The following ELP4 variants were observed in gnomAD, a reference collection of about 807,000 sequenced individuals.
ELP4 encodes the protein elongator acetyltransferase complex subunit 4, also known as elongator complex protein 4.
A neutral mutation model predicts 48.9 loss-of-function variants in ELP4; 51 were observed. The observed-to-expected ratio is 1.04, with a 90% CI of 0.83 to 1.32. ELP4 has a LOEUF of 1.32. Ranked by LOEUF, ELP4 falls within the 40% of genes most tolerant of loss-of-function variation. ELP4 has a pLI of 0.00. For synonymous variants in ELP4, 210 were observed against 189.2 expected, an observed-to-expected ratio of 1.11 and a Z score of -0.90; for missense variants, 519 against 514.6, an observed-to-expected ratio of 1.01 and a Z score of -0.08.
intron 3 of ELP4, among the ~76,000 whole-genome samples, chr11:31,572,420 G>A (rs994705123): frequency 5.9e-5 from 9 of 152,148 alleles, no homozygotes; most frequent in Non-Finnish European, 1.3e-4. Context: ...GCCTCTAGAC[G>A]AGGAAAGTAA....
At chr11:31,570,466 C>CTTT (rs35501118) in intron 3 of ELP4, among the ~76,000 whole-genome samples, 4 of 127,898 alleles carry the variant, frequency 3.1e-5, no homozygotes, top group Admixed American at 8.2e-5. Context: ...TGTAATATAC[C>CTTT]TTTTTTTTTT....
Position 31,671,289 on chromosome 11 carries a change from A to G in ELP4, c.1143+21068A>G, listed in dbSNP as rs568301010. Among the ~76,000 whole-genome samples, 3 of 152,172 alleles carry G rather than the reference A, an allele frequency of 2.0e-5. No individual in the cohort carries two copies. The East Asian group carries it at 5.8e-4, about 29-fold the overall frequency. On this transcript the variant is annotated intron_variant, in intron 9 of 9. Transcript: ENST00000640961. ...TTAAATTGTTAATGTGTAGAGCACA[A>G]AACTTAAAAGATCAATTTTGTAGCT... is the stretch of plus-strand genomic sequence containing the variant.
chr11:31,717,372 T>A (rs1226210592), intron 9 of ELP4, among the ~76,000 whole-genome samples: 1 of 152,190 alleles, frequency 6.6e-6, no homozygotes, highest in African/African-American at 2.4e-5. Context: ...TCTCAAAGTA[T>A]TACTTACCTC....
intron 9 of ELP4, among the ~76,000 whole-genome samples, chr11:31,694,744 T>G (rs1380261590): frequency 6.6e-6 from 1 of 152,054 alleles, no homozygotes; most frequent in Admixed American, 6.6e-5. Context: ...TATAAATTAT[T>G]TTGGGCAGTA....
At chr11:31,560,133 G>C (rs1289827017) in intron 3 of ELP4, among the ~76,000 whole-genome samples, 1 of 152,094 alleles carries the variant, frequency 6.6e-6, no homozygotes, top group African/African-American at 2.4e-5. Flanking sequence ...AATGTTGTGT[G>C]TTCCTGTGCT....
At chr11:31,620,586 A>C (rs1944599872) in intron 5 of ELP4, among the ~76,000 whole-genome samples, 1 of 151,996 alleles carries the variant, frequency 6.6e-6, no homozygotes, top group African/African-American at 2.4e-5. Context: ...CAAAATACTG[A>C]AAGGCCAGAG....
intron 5 of ELP4, among the ~76,000 whole-genome samples, chr11:31,615,308 G>T (rs1958055959): frequency 6.6e-6 from 1 of 151,952 alleles, no homozygotes; most frequent in Admixed American, 6.6e-5. Context: ...ACAGGCAAAA[G>T]GTTAACGTTA....
At chr11:31,737,219 C>T (rs531253364) in intron 9 of ELP4, among the ~76,000 whole-genome samples, 1 of 151,820 alleles carries the variant, frequency 6.6e-6, no homozygotes, top group Non-Finnish European at 1.5e-5. Context: ...ATTGCAAGGA[C>T]AAAAAACCAA....
intron 5 of ELP4, among the ~76,000 whole-genome samples, chr11:31,625,443 T>C (rs1026976358): frequency 1.3e-5 from 2 of 151,808 alleles, no homozygotes; most frequent in Admixed American, 6.6e-5. Context: ...AAAGAAAATG[T>C]GGTGTACACA....
At chr11:31,607,129 A>G (rs1204670258) in intron 5 of ELP4, among the ~76,000 whole-genome samples, 2 of 152,208 alleles carry the variant, frequency 1.3e-5, no homozygotes, top group Non-Finnish European at 2.9e-5. Context: ...TCTGCAACCT[A>G]AGGGAAGAGC....
intron 9 of ELP4, among the ~76,000 whole-genome samples, chr11:31,698,156 T>C (rs963622230): frequency 2.6e-5 from 4 of 152,200 alleles, no homozygotes; most frequent in African/African-American, 4.8e-5. Context: ...TAATCTGGTA[T>C]AAAATATGCA....
intron 9 of ELP4, among the ~76,000 whole-genome samples, chr11:31,727,262 A>G (rs1011220824): frequency 2.0e-5 from 3 of 152,102 alleles, no homozygotes; most frequent in Non-Finnish European, 2.9e-5. Context: ...ATAACTGCTA[A>G]CTAAAAATGT....
intron 9 of ELP4, among the ~76,000 whole-genome samples, chr11:31,756,726 T>C (rs1170002787): frequency 6.6e-6 from 1 of 152,220 alleles, no homozygotes; most frequent in Non-Finnish European, 1.5e-5. Flanking sequence ...TAAAGTTATG[T>C]AAGTATTAAG....
At position 31,662,582 on chromosome 11, in the gene ELP4, T is replaced by C. The variant is rs1383301023; in HGVS notation, c.1143+12361T>C. On this transcript the variant is annotated intron_variant, in intron 9 of 9. Coordinates refer to ENST00000640961, the MANE Select transcript of ELP4 (RefSeq NM_019040.5). Reference sequence around the variant, plus strand: ...GAAGGCAAAGATATTTTCTGTCTCGTCATTTACAAAGAAAATTTTCTATAA... The same window carrying C: ...GAAGGCAAAGATATTTTCTGTCTCGCCATTTACAAAGAAAATTTTCTATAA... 1.3e-5 allele frequency: 5 copies of C among 397,864 alleles called. No homozygotes were observed. The Admixed American group carries it at 2.2e-4, about 18-fold the overall frequency. The allele number at this position is 397,864 out of a possible 1,614,324, so 24.6% of individuals were successfully genotyped here.
intron 3 of ELP4, among the ~76,000 whole-genome samples, chr11:31,586,317 G>C (rs1454563918): frequency 6.6e-6 from 1 of 152,068 alleles, no homozygotes; most frequent in African/African-American, 2.4e-5. Flanking sequence ...CAAAGACAAA[G>C]TTTTACTTGG....
At position 31,509,828 on chromosome 11, in the gene ELP4, G is replaced by C. The variant is rs758104207; in HGVS notation, c.44G>C (p.Gly15Ala). The C allele has an allele frequency of 6.2e-7, 1 of 1,614,004 alleles. No individual in the cohort carries two copies. Among genetic ancestry groups the C allele is most frequent in the African/African-American group, 1.3e-5 (1 of 74,922 alleles). The change falls in exon 1 of 10, where the codon GGG becomes GCG. Residue 15 changes from glycine to alanine, a missense_variant. Transcript: ENST00000640961. ...TGCGGTAGTGTTGCCGCGAGTACTG[G>C]GTCTGCAGTGGCGACAGCCAGCAAG... ...ATCGSVAAST[G>A]SAVATASKSN... is the part of the protein sequence containing the mutation.
intron 5 of ELP4, among the ~76,000 whole-genome samples, chr11:31,610,163 T>A (rs991838140): frequency 1.3e-5 from 2 of 152,192 alleles, no homozygotes; most frequent in Non-Finnish European, 2.9e-5. Flanking sequence ...TAAAAGGATA[T>A]GGTGAATGAT....
intron 9 of ELP4, among the ~76,000 whole-genome samples, chr11:31,736,573 C>G (rs1001405791): frequency 1.3e-5 from 2 of 152,122 alleles, no homozygotes; most frequent in African/African-American, 4.8e-5. Flanking sequence ...TTGCAACCTA[C>G]TCATCTGACA....
intron 7 of ELP4, among the ~76,000 whole-genome samples, chr11:31,640,665 A>C (rs1945075976): frequency 6.6e-6 from 1 of 151,986 alleles, no homozygotes; most frequent in South Asian, 2.1e-4. Flanking sequence ...ATGATAGAAA[A>C]TAAAAGCTCT....
Sources: allele counts gnomAD v4.1 joint callset (sites outside exome capture counted in the v4.1 genomes callset), GRCh38; gene constraint gnomAD v4.1.1; transcripts MANE v1.5; gene names NCBI Gene and HGNC (gene_info 2026-07-23, HGNC 2026-07-21).